DENND2A: variants seen among roughly 807,000 people sequenced by gnomAD.
DENND2A encodes DENN domain containing 2A.
DENND2A carries 53 observed loss-of-function variants against 105.3 expected under a neutral mutation model. The observed-to-expected ratio is 0.50, with a 90% CI of 0.40 to 0.63. The LOEUF (loss-of-function observed/expected upper bound fraction) is 0.63, where lower values mean the gene tolerates loss of function less well. DENND2A is among the 30% of genes least tolerant of loss of function. DENND2A has a pLI of 0.00. For synonymous variants in DENND2A, 522 were observed against 508.4 expected, an observed-to-expected ratio of 1.03 and a Z score of -0.36; for missense variants, 1,138 against 1,279.6, an observed-to-expected ratio of 0.89 and a Z score of 1.69.
At chr7:140,614,718 A>C (rs1441638014) in intron 1 of DENND2A, among the ~76,000 whole-genome samples, 2 of 152,226 alleles carry the variant, frequency 1.3e-5, no homozygotes, top group Non-Finnish European at 2.9e-5. Flanking sequence ...CATTCTTAGC[A>C]AACATATCTA....
At chr7:140,582,676 G>T (rs1450706551) in intron 5 of DENND2A, among the ~76,000 whole-genome samples, 1 of 152,134 alleles carries the variant, frequency 6.6e-6, no homozygotes, top group Non-Finnish European at 1.5e-5. Flanking sequence ...TCCCTTTATG[G>T]CCATCAAGCA....
intron 3 of DENND2A, among the ~76,000 whole-genome samples, chr7:140,592,915 T>G (rs1439931443): frequency 6.6e-6 from 1 of 152,196 alleles, no homozygotes; most frequent in Non-Finnish European, 1.5e-5. Flanking sequence ...CCTAGCATTA[T>G]TTCTACAGCC....
chr7:140,555,545 T>A lies in DENND2A; in HGVS notation c.2037+91A>T, dbSNP rs986243630. 19 of 1,086,206 alleles carry A rather than the reference T, an allele frequency of 1.7e-5. 1 individual carries two copies. The highest frequency in any genetic ancestry group is 2.5e-5 in the Non-Finnish European group (18 of 731,282). The allele number at this position is 1,086,206 out of a possible 1,614,324, so 67.3% of individuals were successfully genotyped here. A position where few individuals can be genotyped will look rare whatever the true frequency, so the allele number is the denominator to read the frequency against. On this transcript the variant is annotated intron_variant, in intron 12 of 19. Coordinates refer to ENST00000496613, the MANE Select transcript of DENND2A (RefSeq NM_015689.5). Reference sequence around the variant, plus strand: ...GGGAAGTAGGTAGAGAATAAGATGATAGAAGGCCCAGGACATGGGGGTATT... The same window carrying A: ...GGGAAGTAGGTAGAGAATAAGATGAAAGAAGGCCCAGGACATGGGGGTATT...
chr7:140,568,648 C>T, intron 8 of DENND2A, 115 bp downstream of exon 8: 1 of 1,095,264 alleles, frequency 9.1e-7, no homozygotes, highest in Non-Finnish European at 1.4e-6. Flanking sequence ...GATGTCCACG[C>T]CTTGCCAAGC....
intron 11 of DENND2A, among the ~76,000 whole-genome samples, chr7:140,557,860 CAG>C (rs1410914869): frequency 1.3e-5 from 2 of 151,986 alleles, no homozygotes; most frequent in Non-Finnish European, 2.9e-5. Flanking sequence ...AAAATAGAGA[CAG>C]GGCCTCATTT....
intron 16 of DENND2A, 68 bp downstream of exon 16, chr7:140,525,683 G>T: frequency 7.0e-7 from 1 of 1,425,232 alleles, no homozygotes; most frequent in South Asian, 1.4e-5. Context: ...CAAGGCTGGA[G>T]AGCTGAGCCC....
intron 3 of DENND2A, among the ~76,000 whole-genome samples, chr7:140,591,679 TTC>T (rs1348955415): frequency 7.0e-6 from 1 of 142,896 alleles, no homozygotes; most frequent in Non-Finnish European, 1.5e-5. Flanking sequence ...TTCTCTTTCT[TTC>T]TTTCTTTCTT....
chr7:140,534,367 G>A (rs917732841), intron 14 of DENND2A, among the ~76,000 whole-genome samples: 8 of 152,260 alleles, frequency 5.3e-5, no homozygotes, highest in African/African-American at 1.9e-4. Context: ...ACAGGCATGA[G>A]CCACCACGCC....
chr7:140,624,799 A>G (rs1212641604), intron 1 of DENND2A, among the ~76,000 whole-genome samples: 1 of 148,476 alleles, frequency 6.7e-6, no homozygotes, highest in Non-Finnish European at 1.5e-5. Flanking sequence ...TTTAGAAGTG[A>G]GAAATGTTCT....
intron 1 of DENND2A, among the ~76,000 whole-genome samples, chr7:140,637,949 A>T (rs971190878): frequency 3.2e-4 from 49 of 152,174 alleles, no homozygotes; most frequent in Non-Finnish European, 5.4e-4. Context: ...CCCTGGCCCC[A>T]TACTCTGAGA....
intron 14 of DENND2A, 199 bp downstream of exon 14, chr7:140,544,419 T>TCC: frequency 6.0e-6 from 4 of 671,296 alleles, no homozygotes; most frequent in Non-Finnish European, 1.0e-5. Flanking sequence ...GGCCTCGAAC[T>TCC]CCTGGTCTCA....
intron 1 of DENND2A, among the ~76,000 whole-genome samples, chr7:140,631,891 G>A (rs1158401273): frequency 6.6e-6 from 1 of 152,018 alleles, no homozygotes; most frequent in Non-Finnish European, 1.5e-5. Context: ...TTCTATCTTC[G>A]CGGTCACCAC....
Position 140,583,991 on chromosome 7 carries a change from T to C in DENND2A, c.1245+1598A>G, listed in dbSNP as rs993927267. Among the ~76,000 whole-genome samples the C allele has an allele frequency of 5.2e-4, 72 of 137,962 alleles. 1 individual carries two copies. Among genetic ancestry groups the C allele is most frequent in the Admixed American group, 6.5e-4 (9 of 13,776 alleles). 90.5% of individuals were successfully genotyped at this position (137,962 alleles called of 152,430 possible). On this transcript the variant is annotated intron_variant, in intron 5 of 19. Transcript: ENST00000496613. Reference sequence around the variant, plus strand: ...GTGCGGTGGCTCACGCCTGTAATCCTAGCACTTTGGGAGGCCAAGGCGGGC... The same window carrying C: ...GTGCGGTGGCTCACGCCTGTAATCCCAGCACTTTGGGAGGCCAAGGCGGGC...
At chr7:140,555,057 A>ACC in intron 12 of DENND2A, among the ~76,000 whole-genome samples, 1 of 150,336 alleles carries the variant, frequency 6.7e-6, no homozygotes, top group East Asian at 2.0e-4. Flanking sequence ...AGGGTCTTCC[A>ACC]CCCCTCCCTT....
At chr7:140,630,439 G>A (rs1800694367) in intron 1 of DENND2A, among the ~76,000 whole-genome samples, 1 of 152,124 alleles carries the variant, frequency 6.6e-6, no homozygotes. Flanking sequence ...TTGGTCTACT[G>A]TGAGGGTTGC....
intron 10 of DENND2A, among the ~76,000 whole-genome samples, chr7:140,558,475 C>T (rs1482795078): frequency 1.3e-5 from 2 of 151,958 alleles, no homozygotes; most frequent in African/African-American, 4.8e-5. Context: ...GCAGGTGGAT[C>T]ACTTGAGGTC....
At chr7:140,631,742 A>G (rs1361499368) in intron 1 of DENND2A, among the ~76,000 whole-genome samples, 1 of 152,150 alleles carries the variant, frequency 6.6e-6, no homozygotes, top group African/African-American at 2.4e-5. Context: ...ATGACCACAC[A>G]CTTCATGACA....
At chr7:140,630,470 A>G (rs745333781) in intron 1 of DENND2A, among the ~76,000 whole-genome samples, 9 of 152,138 alleles carry the variant, frequency 5.9e-5, no homozygotes, top group Admixed American at 3.3e-4. Context: ...GTTGAATAAG[A>G]ATAGGAGGAA....
chr7:140,568,297 TA>T (rs1340695489), intron 8 of DENND2A, among the ~76,000 whole-genome samples: 4 of 152,146 alleles, frequency 2.6e-5, no homozygotes, highest in African/African-American at 9.7e-5. Context: ...GAAAACTCAC[TA>T]AAGCCTTGGC....
Sources: gnomAD v4.1 joint callset for allele counts (sites outside exome capture counted in the v4.1 genomes callset) on GRCh38, gnomAD v4.1.1 for gene constraint, MANE v1.5 for transcripts, NCBI Gene and HGNC (gene_info 2026-07-23, HGNC 2026-07-21) for gene names.